Variants in BIRC6 observed in about 807,000 individuals in gnomAD.
BIRC6 encodes the protein dual E2 ubiquitin-conjugating enzyme/E3 ubiquitin-protein ligase BIRC6.
BIRC6 carries 98 observed loss-of-function variants against 503.3 expected under a neutral mutation model. That is an observed-to-expected ratio of 0.19 (90% confidence interval 0.17 to 0.23). BIRC6 has a LOEUF of 0.23. BIRC6 is among the 10% of genes least tolerant of loss of function. BIRC6 has a pLI of 1.00. For missense variants in BIRC6, 5,360 were observed against 5,806.0 expected, an observed-to-expected ratio of 0.92 and a Z score of 2.50; for synonymous variants, 2,240 against 2,078.7, an observed-to-expected ratio of 1.08 and a Z score of -2.11.
At chr2:32,397,643 CACACACACACATATATGTGTATAT>C (rs1558617477) in intron 6 of BIRC6, among the ~76,000 whole-genome samples, 34 of 139,328 alleles carry the variant, frequency 2.4e-4, no homozygotes, top group Admixed American at 9.0e-4. Context: ...TATATATACA[CACACACACACATATATGTGTATAT>C]ATATATACAC....
chr2:32,531,050 C>T (rs1010000938), intron 60 of BIRC6, among the ~76,000 whole-genome samples: 2 of 152,172 alleles, frequency 1.3e-5, no homozygotes, highest in Non-Finnish European at 2.9e-5. Context: ...CTTCAGTATG[C>T]TTACAAATGA....
chr2:32,543,173 T>TTA (rs758795149), intron 61 of BIRC6, 68 bp from the exon 62 acceptor site: 10 of 1,430,678 alleles, frequency 7.0e-6, no homozygotes, highest in Non-Finnish European at 9.6e-6. Context: ...CATTTAAAGT[T>TTA]AAGTCTTTAC....
At chr2:32,588,038 G>A (rs987743926) in intron 66 of BIRC6, among the ~76,000 whole-genome samples, 1 of 152,126 alleles carries the variant, frequency 6.6e-6, no homozygotes, top group African/African-American at 2.4e-5. Context: ...TTTAGCTGTC[G>A]ATGTTTTTCT....
At chr2:32,556,649 C>T (rs904848738) in intron 65 of BIRC6, among the ~76,000 whole-genome samples, 2 of 152,188 alleles carry the variant, frequency 1.3e-5, no homozygotes, top group African/African-American at 4.8e-5. Flanking sequence ...TCATGAAATG[C>T]TTTAAAAAAG....
chr2:32,415,473 G>A lies in BIRC6; in HGVS notation c.2182G>A (p.Glu728Lys), dbSNP rs1224412688. 6.2e-7 allele frequency: 1 copy of A among 1,613,980 alleles called. No homozygotes were observed. Among genetic ancestry groups the A allele is most frequent in the Admixed American group, 1.7e-5 (1 of 60,024 alleles). Residue 728 changes from glutamate (E) to lysine (K), a missense_variant, in exon 10 of 74, where the codon GAG becomes AAG. Physicochemically the swap from Glu to Lys is moderately conservative, Grantham distance 56. This residue lies in a region of BIRC6 where 700 missense variants were observed against 739.3 expected (regional missense o/e 0.95). Coordinates refer to ENST00000421745, the MANE Select transcript of BIRC6 (RefSeq NM_016252.4). ...CTTGAGGCTGCCAAAGTTTGCAGAG[G>A]AGGAGAATCTTTGTATAGACTCAAT... is the stretch of plus-strand genomic sequence containing the variant. ...QCLRLPKFAE[E>K]ENLCIDSITP...
chr2:32,460,870 T>C (rs944732823), intron 23 of BIRC6, among the ~76,000 whole-genome samples: 1 of 152,064 alleles, frequency 6.6e-6, no homozygotes, highest in Non-Finnish European at 1.5e-5. Flanking sequence ...ATTTAGCAAG[T>C]CTAACAGTTT....
intron 41 of BIRC6, 89 bp downstream of exon 41, chr2:32,487,890 G>T (rs75046659): frequency 9.2e-7 from 1 of 1,081,962 alleles, no homozygotes; most frequent in African/African-American, 1.6e-5. Context: ...TTCTAATCCT[G>T]TCAGGGATGA....
rs560251664 is a variant in BIRC6, at chr2:32,480,621, C to CTTTTTTTTTTTTTTTTTTTTTTTTT, written c.7409-686_7409-662dup. ...CATAACAGAAAAATAAGGTAAATGG[C>CTTTTTTTTTTTTTTTTTTTTTTTTT]TTTTTTTTTTTTTTTTTTTTTTTTT... On this transcript the variant is annotated intron_variant, in intron 37 of 73. Transcript: ENST00000421745. 9.9e-5 allele frequency among the ~76,000 whole-genome samples: 6 copies of CTTTTTTTTTTTTTTTTTTTTTTTTT among 60,742 alleles called. 1 individual carries two copies. The highest frequency in any genetic ancestry group is 8.8e-5 in the Non-Finnish European group (3 of 34,004). The allele number at this position is 60,742 out of a possible 152,430, so 39.8% of individuals were successfully genotyped here. A position where few individuals can be genotyped will look rare whatever the true frequency, so the allele number is the denominator to read the frequency against.
At chr2:32,377,445 C>A in intron 1 of BIRC6, 143 bp from the exon 2 acceptor site, 2 of 519,810 alleles carry the variant, frequency 3.8e-6, no homozygotes, top group Non-Finnish European at 6.3e-6. Flanking sequence ...CCAGTTGGCC[C>A]AATAATGTTC....
At chr2:32,474,485 A>G (rs755983107) in intron 33 of BIRC6, among the ~76,000 whole-genome samples, 1 of 152,244 alleles carries the variant, frequency 6.6e-6, no homozygotes, top group Admixed American at 6.5e-5. Context: ...GTATTGGGAC[A>G]GTTGGCAAAA....
chr2:32,504,560 G>A (rs1291226530), intron 49 of BIRC6, among the ~76,000 whole-genome samples: 2 of 152,004 alleles, frequency 1.3e-5, no homozygotes, highest in South Asian at 2.1e-4. Flanking sequence ...CCAGCTACTC[G>A]GGAGGCTGAG....
chr2:32,526,713 G>C (rs896563451), intron 59 of BIRC6: 1 of 158,210 alleles, frequency 6.3e-6, no homozygotes, highest in African/African-American at 2.4e-5. Context: ...CATCAGTGTT[G>C]GCAGTGAACA....
At chr2:32,555,396 T>C (rs2150521090) in intron 65 of BIRC6, among the ~76,000 whole-genome samples, 1 of 152,204 alleles carries the variant, frequency 6.6e-6, no homozygotes, top group South Asian at 2.1e-4. Flanking sequence ...ATCCCAGCAC[T>C]TTGGGAGGCC....
chr2:32,490,804 C>CATGCATAACCT, intron 43 of BIRC6, among the ~76,000 whole-genome samples: 1 of 152,190 alleles, frequency 6.6e-6, no homozygotes, highest in South Asian at 2.1e-4. Flanking sequence ...TATTCATAAA[C>CATGCATAACCT]ATGCATAACT....
rs1293679683 is a variant in BIRC6, at chr2:32,468,007, G to T, written c.5676G>T (p.Lys1892Asn). The change falls in exon 28 of 74, where the codon AAG (lysine) becomes AAT (asparagine). Residue 1892 changes from lysine to asparagine, a missense_variant. Lys to Asn is a moderately conservative substitution (Grantham distance 94). Transcript: ENST00000421745. The part of the protein sequence containing the change: ...TYILPWESEL[K>N]LMHDPLKGEG... ...TCTTGCCTTGGGAAAGTGAACTGAA[G>T]TTAATGCATGATCCTCTAAAGGGAG... 8.1e-6 allele frequency: 13 copies of T among 1,613,672 alleles called. No homozygotes were observed. The highest frequency in any genetic ancestry group is 1.1e-5 in the Non-Finnish European group (13 of 1,179,846).
chr2:32,461,068 T>TTCTCTTCTCCTCTCCTCTCC (rs2047890874), intron 23 of BIRC6, among the ~76,000 whole-genome samples: 32 of 26,840 alleles, frequency 1.2e-3, no homozygotes, highest in Non-Finnish European at 1.5e-3. Context: ...TTCTCTTCTG[T>TTCTCTTCTCCTCTCCTCTCC]TCTCCTCTCC....
At chr2:32,462,692 C>T (rs1190483638) in intron 23 of BIRC6, among the ~76,000 whole-genome samples, 1 of 152,176 alleles carries the variant, frequency 6.6e-6, no homozygotes, top group African/African-American at 2.4e-5. Context: ...CGTGGTGGCT[C>T]ACACCTGTAA....
At chr2:32,413,742 G>T (rs1476655779) in intron 9 of BIRC6, among the ~76,000 whole-genome samples, 2 of 151,738 alleles carry the variant, frequency 1.3e-5, no homozygotes, top group Non-Finnish European at 2.9e-5. Context: ...TATTTATGGG[G>T]GATTGGTTCC....
At chr2:32,398,122 TAGAG>T (rs138195071) in intron 6 of BIRC6, among the ~76,000 whole-genome samples, 3 of 152,132 alleles carry the variant, frequency 2.0e-5, no homozygotes, top group Non-Finnish European at 2.9e-5. Flanking sequence ...TGCGAGTTGA[TAGAG>T]AGTTACTTTG....
Sources: gnomAD v4.1 joint callset for allele counts (sites outside exome capture counted in the v4.1 genomes callset) on GRCh38, gnomAD v4.1.1 for gene constraint, gnomAD v4.1.1 regional missense constraint, MANE v1.5 for transcripts, NCBI Gene and HGNC (gene_info 2026-07-23, HGNC 2026-07-21) for gene names.